CFAP58: variants seen among roughly 807,000 people sequenced by gnomAD.
CFAP58 encodes cilia and flagella associated protein 58.
A neutral mutation model predicts 119.5 loss-of-function variants in CFAP58; 88 were observed. The observed-to-expected ratio is 0.74, with a 90% CI of 0.62 to 0.88. The LOEUF is 0.88. Among genes scored for constraint, CFAP58 ranks in the 40% least tolerant of loss-of-function variants. CFAP58 has a pLI of 0.00. For missense variants in CFAP58, 990 were observed against 1,021.2 expected, an observed-to-expected ratio of 0.97 and a Z score of 0.42; for synonymous variants, 365 against 366.3, an observed-to-expected ratio of 1.00 and a Z score of 0.04.
At chr10:104,365,404 T>C (rs2014728170) in intron 4 of CFAP58, among the ~76,000 whole-genome samples, 1 of 152,152 alleles carries the variant, frequency 6.6e-6, no homozygotes, top group African/African-American at 2.4e-5. Context: ...GATAAACCTA[T>C]AATGCTCTCT....
intron 15 of CFAP58, among the ~76,000 whole-genome samples, chr10:104,441,388 T>C (rs1409266537): frequency 6.6e-6 from 1 of 152,240 alleles, no homozygotes; most frequent in Non-Finnish European, 1.5e-5. Flanking sequence ...TGAATTTCTC[T>C]GGACGTGTTT....
rs546521752 is a variant in CFAP58 at position 104,415,077 on chromosome 10, T to A, written c.2256+8284T>A. 2.4e-4 allele frequency among the ~76,000 whole-genome samples: 37 copies of A among 152,294 alleles called. No homozygotes were observed. The East Asian group carries it at 6.2e-3, about 25-fold the overall frequency. ...CCTCGTCCCAGCCTTGAAGGACCTC[T>A]TAGCTCTGCAACCACAGGGCAGTGT... is the stretch of plus-strand genomic sequence containing the variant. On this transcript the variant is annotated intron_variant, in intron 15 of 17. Transcript: ENST00000369704.
chr10:104,402,655 C>T (rs959699984), intron 13 of CFAP58, among the ~76,000 whole-genome samples: 11 of 152,256 alleles, frequency 7.2e-5, no homozygotes, highest in South Asian at 4.2e-4. Flanking sequence ...AAGATTTTAG[C>T]GGTGTGTTTC....
chr10:104,381,581 A>C (rs1308396135), intron 9 of CFAP58, among the ~76,000 whole-genome samples: 1 of 151,994 alleles, frequency 6.6e-6, no homozygotes, highest in Non-Finnish European at 1.5e-5. Context: ...TTCAGGTTAC[A>C]TTCTGCAGTG....
At chr10:104,434,705 T>G (rs1277734316) in intron 15 of CFAP58, among the ~76,000 whole-genome samples, 1 of 152,252 alleles carries the variant, frequency 6.6e-6, no homozygotes, top group South Asian at 2.1e-4. Context: ...TTACTGGTGA[T>G]GAAATCTCAG....
rs376463639 is a variant in CFAP58 at position 104,365,802 on chromosome 10, C to T, written c.598-12C>T. 1.2e-4 allele frequency: 190 copies of T among 1,598,380 alleles called. 1 individual carries two copies. Among genetic ancestry groups the T allele is most frequent in the Admixed American group, 3.7e-4 (21 of 57,018 alleles). On this transcript the variant is annotated splice_polypyrimidine_tract_variant and intron_variant, in intron 4 of 17. Coordinates refer to ENST00000369704, the MANE Select transcript of CFAP58 (RefSeq NM_001008723.2). ...TCATCTCTTTCTCTCTTGTCCTTTC[C>T]GCAACCTCTAGTTCCAACAAGAAAT... is the stretch of plus-strand genomic sequence containing the variant.
At chr10:104,393,118 G>T (rs1375617144) in intron 10 of CFAP58, among the ~76,000 whole-genome samples, 1 of 152,178 alleles carries the variant, frequency 6.6e-6, no homozygotes, top group African/African-American at 2.4e-5. Flanking sequence ...CATATTTTGT[G>T]TGTATCTCAT....
At chr10:104,355,303 A>G (rs1324876775) in intron 1 of CFAP58, among the ~76,000 whole-genome samples, 2 of 152,170 alleles carry the variant, frequency 1.3e-5, no homozygotes, top group Non-Finnish European at 2.9e-5. Flanking sequence ...AGCCTCCCAG[A>G]GGCACCAGCC....
chr10:104,361,979 A>G, intron 2 of CFAP58, 44 bp from the exon 3 acceptor site: 1 of 1,585,982 alleles, frequency 6.3e-7, no homozygotes, highest in Non-Finnish European at 8.6e-7. Flanking sequence ...TTGCATCTAG[A>G]ATCCAGTTTG....
In CFAP58 at chr10:104,365,880, G is replaced by A. The variant is rs555021467; in HGVS notation, c.664G>A (p.Glu222Lys). The change falls in exon 5 of 18, where the codon GAG (glutamate) becomes AAG (lysine). Residue 222 changes from glutamate to lysine, a missense_variant. Coordinates refer to ENST00000369704, the MANE Select transcript of CFAP58 (RefSeq NM_001008723.2). Reference protein sequence around the residue: ...SREFRKKEKLEKELKQIQADM... With the variant: ...SREFRKKEKLKKELKQIQADM... The stretch of plus-strand genomic sequence containing the variant: ...GGAGTTCCGGAAGAAGGAAAAACTA[G>A]AGAAAGAGCTCAAGCAGATTCAGGC... 61 of 1,613,426 alleles carry A rather than the reference G, an allele frequency of 3.8e-5. No homozygotes were observed. The South Asian group carries it at 6.7e-4, about 18-fold the overall frequency.
At chr10:104,393,560 G>A in intron 11 of CFAP58, 85 bp downstream of exon 11, 3 of 1,378,802 alleles carry the variant, frequency 2.2e-6, no homozygotes, top group Admixed American at 2.3e-5. Context: ...GCAGCCAGGG[G>A]CAGGGAGAAC....
chr10:104,401,390 G>A (rs1421282960), intron 13 of CFAP58, among the ~76,000 whole-genome samples: 2 of 152,182 alleles, frequency 1.3e-5, no homozygotes, highest in East Asian at 3.9e-4. Flanking sequence ...CGTTTCCTTA[G>A]AAGGCGGCCA....
rs771167147 is a variant in CFAP58, at chr10:104,392,407, T to C, written c.1527+13T>C. The C allele has an allele frequency of 6.0e-6, 9 of 1,501,290 alleles. No homozygotes were observed. The highest frequency in any genetic ancestry group is 1.4e-5 in the African/African-American group (1 of 69,924). The allele number at this position is 1,501,290 out of a possible 1,614,324, so 93.0% of individuals were successfully genotyped here. On this transcript the variant is annotated intron_variant, in intron 10 of 17. Coordinates refer to ENST00000369704, the MANE Select transcript of CFAP58 (RefSeq NM_001008723.2). ...GGTTGAGGCTCAGGTAAATAATATA[T>C]TTATATCCTTACATTTTGATTTATT... is the stretch of plus-strand genomic sequence containing the variant.
At chr10:104,402,254 G>T (rs188070123) in intron 13 of CFAP58, among the ~76,000 whole-genome samples, 12 of 152,300 alleles carry the variant, frequency 7.9e-5, no homozygotes, top group Admixed American at 2.0e-4. Context: ...TACAAAGCAG[G>T]CCGTCAAATA....
intron 17 of CFAP58, among the ~76,000 whole-genome samples, chr10:104,454,167 G>A (rs2013239391): frequency 6.6e-6 from 1 of 152,266 alleles, no homozygotes; most frequent in African/African-American, 2.4e-5. Context: ...CAAATACATA[G>A]TGCTTGAGTT....
At chr10:104,347,027 C>T in the CFAP58 span, among the ~76,000 whole-genome samples, 1 of 152,050 alleles carries the variant, frequency 6.6e-6, no homozygotes, top group Non-Finnish European at 1.5e-5. Context: ...ACCTTGGTGT[C>T]TTGGGCAAGA....
At chr10:104,366,908 C>T (rs1051640178) in intron 5 of CFAP58, among the ~76,000 whole-genome samples, 7 of 151,964 alleles carry the variant, frequency 4.6e-5, no homozygotes, top group African/African-American at 1.7e-4. Context: ...CTCTCTGTCA[C>T]CCAGGCTGGA....
Position 104,362,101 on chromosome 10 carries a change from A to C in CFAP58, c.370A>C (p.Lys124Gln). 1 of 1,614,148 alleles carries C rather than the reference A, an allele frequency of 6.2e-7. No homozygotes were observed. The highest frequency in any genetic ancestry group is 8.5e-7 in the Non-Finnish European group (1 of 1,180,016). ...GGCCAAGGAGACGATTCTTGCTCTG[A>C]AAGAGGAAATAGTGAACCTGACCAA... is the stretch of plus-strand genomic sequence containing the variant. The part of the protein sequence containing the change: ...QKAKETILAL[K>Q]EEIVNLTKLV... Residue 124 changes from lysine (K) to glutamine (Q), a missense_variant, in exon 3 of 18, where the codon AAA (lysine) becomes CAA (glutamine). Coordinates refer to ENST00000369704, the MANE Select transcript of CFAP58 (RefSeq NM_001008723.2).
At chr10:104,419,434 G>T (rs1372789999) in intron 15 of CFAP58, among the ~76,000 whole-genome samples, 4 of 152,092 alleles carry the variant, frequency 2.6e-5, no homozygotes, top group Non-Finnish European at 4.4e-5. Flanking sequence ...TGATCTGAGG[G>T]CCAGGAGAAA....
Sources: allele counts gnomAD v4.1 joint callset (sites outside exome capture counted in the v4.1 genomes callset), GRCh38; gene constraint gnomAD v4.1.1; transcripts MANE v1.5; gene names NCBI Gene and HGNC (gene_info 2026-07-23, HGNC 2026-07-21).